OSBPL10: variants seen among roughly 807,000 people sequenced by gnomAD.
OSBPL10 encodes oxysterol-binding protein-related protein 10.
Under a neutral mutation model 81.7 loss-of-function variants are expected in OSBPL10, and 49 were observed. The ratio of observed to expected loss-of-function variants is 0.60; its 90% CI spans 0.48 to 0.76. OSBPL10 has a LOEUF of 0.76. Among genes scored for constraint, OSBPL10 ranks in the 30% least tolerant of loss-of-function variants. The probability of loss-of-function intolerance (pLI) is 0.00; values close to 1 mark genes in which losing one functional copy is unlikely to be tolerated. For synonymous variants in OSBPL10, 419 were observed against 383.6 expected (o/e 1.09, Z -1.08); for missense variants, 923 against 987.8 (o/e 0.93, Z 0.88).
At chr3:31,914,263 T>G (rs1167958000) in intron 1 of OSBPL10, among the ~76,000 whole-genome samples, 1 of 152,184 alleles carries the variant, frequency 6.6e-6, no homozygotes, top group Non-Finnish European at 1.5e-5. Flanking sequence ...AGATCAGTTA[T>G]CTCCCTAGAA....
At chr3:31,875,607 A>C (rs1701450925) in intron 3 of OSBPL10, among the ~76,000 whole-genome samples, 1 of 151,570 alleles carries the variant, frequency 6.6e-6, no homozygotes, top group Non-Finnish European at 1.5e-5. Flanking sequence ...TTGTATTTGG[A>C]GGCAGAACAG....
At chr3:31,968,000 A>T (rs1020893854) in intron 1 of OSBPL10, among the ~76,000 whole-genome samples, 2 of 152,226 alleles carry the variant, frequency 1.3e-5, no homozygotes, top group Non-Finnish European at 2.9e-5. Flanking sequence ...TTAATCTTTC[A>T]ATATAATTTC....
chr3:31,747,283 A>C (rs1575518131), intron 5 of OSBPL10, among the ~76,000 whole-genome samples: 1 of 151,660 alleles, frequency 6.6e-6, no homozygotes, highest in Non-Finnish European at 1.5e-5. Flanking sequence ...GTGCCACTGC[A>C]CTCCAGCCTG....
intron 3 of OSBPL10, among the ~76,000 whole-genome samples, chr3:31,843,411 A>C (rs756857243): frequency 3.3e-5 from 5 of 152,106 alleles, no homozygotes; most frequent in Non-Finnish European, 7.4e-5. Context: ...GCACAAAAGC[A>C]CACCTCCTGG....
intron 6 of OSBPL10, among the ~76,000 whole-genome samples, chr3:31,720,929 T>C (rs1171664631): frequency 2.0e-5 from 3 of 147,412 alleles, no homozygotes; most frequent in Non-Finnish European, 4.5e-5. Flanking sequence ...CAAGTCCTGA[T>C]ATGTTAGGTT....
At chr3:32,054,082 C>T (rs1699689013) in intron 1 of OSBPL10, among the ~76,000 whole-genome samples, 1 of 152,108 alleles carries the variant, frequency 6.6e-6, no homozygotes, top group African/African-American at 2.4e-5. Context: ...CTAAATCTTC[C>T]CTCTATCAAT....
chr3:31,997,773 T>TTTTTG (rs1159866042), intron 2 of OSBPL10, among the ~76,000 whole-genome samples: 7 of 151,818 alleles, frequency 4.6e-5, no homozygotes, highest in Admixed American at 6.6e-5. Flanking sequence ...AGCCTCAGTG[T>TTTTTG]TTTTGTTTTG....
At chr3:31,771,058 A>G (rs936769991) in intron 4 of OSBPL10, among the ~76,000 whole-genome samples, 4 of 152,176 alleles carry the variant, frequency 2.6e-5, no homozygotes, top group African/African-American at 7.2e-5. Flanking sequence ...TTCTCATCAC[A>G]TAGGCTTATC....
intron 7 of OSBPL10, among the ~76,000 whole-genome samples, chr3:31,689,101 T>C (rs1700874760): frequency 6.6e-6 from 1 of 152,032 alleles, no homozygotes; most frequent in South Asian, 2.1e-4. Context: ...TTGTTTAGTC[T>C]GGCTCTTAAC....
chr3:31,758,179 T>C (rs1277865682), intron 4 of OSBPL10, among the ~76,000 whole-genome samples: 3 of 152,216 alleles, frequency 2.0e-5, no homozygotes, highest in East Asian at 1.9e-4. Flanking sequence ...GCCTGAAGCC[T>C]GTCACCTCTT....
At chr3:32,052,855 G>A (rs537241075) in intron 1 of OSBPL10, among the ~76,000 whole-genome samples, 6 of 152,218 alleles carry the variant, frequency 3.9e-5, no homozygotes, top group South Asian at 2.1e-4. Context: ...TAAAGCATGC[G>A]GGGCTTAAAA....
At chr3:31,800,733 C>T (rs1699357596) in intron 4 of OSBPL10, among the ~76,000 whole-genome samples, 1 of 152,180 alleles carries the variant, frequency 6.6e-6, no homozygotes, top group Non-Finnish European at 1.5e-5. Flanking sequence ...GCTATAAAAA[C>T]TTATGGTACA....
At chr3:31,830,623 T>G (rs1390297527) in intron 3 of OSBPL10, among the ~76,000 whole-genome samples, 1 of 152,204 alleles carries the variant, frequency 6.6e-6, no homozygotes, top group African/African-American at 2.4e-5. Flanking sequence ...AAACTCAGCA[T>G]GGTGTTCTCT....
intron 1 of OSBPL10, among the ~76,000 whole-genome samples, chr3:31,972,644 C>CA (rs543071736): frequency 9.7e-4 from 148 of 152,098 alleles, no homozygotes; most frequent in African/African-American, 3.3e-3. Flanking sequence ...CACCACTTTC[C>CA]AAAAAACGTC....
intron 3 of OSBPL10, among the ~76,000 whole-genome samples, chr3:31,872,622 CTTTT>C (rs71097452): frequency 7.8e-6 from 1 of 127,864 alleles, no homozygotes; most frequent in African/African-American, 3.0e-5. Flanking sequence ...AATTCAAAAG[CTTTT>C]TTTTTTTTTT....
intron 3 of OSBPL10, among the ~76,000 whole-genome samples, chr3:31,840,891 CTTGTTG>C (rs201810752): frequency 9.9e-5 from 15 of 152,060 alleles, no homozygotes; most frequent in Admixed American, 5.2e-4. Flanking sequence ...AGTTAGGCTT[CTTGTTG>C]TTGTTGTTGT....
At chr3:31,844,686 T>A (rs1047327077) in intron 3 of OSBPL10, among the ~76,000 whole-genome samples, 6 of 152,182 alleles carry the variant, frequency 3.9e-5, no homozygotes, top group Admixed American at 3.9e-4. Flanking sequence ...GGGTTTTATT[T>A]TGTGGTAGCA....
chr3:31,807,351 C>T (rs1010384627), intron 4 of OSBPL10, among the ~76,000 whole-genome samples: 2 of 148,672 alleles, frequency 1.3e-5, no homozygotes, highest in African/African-American at 2.5e-5. Context: ...CCAGCCTGGG[C>T]GACAGAGCAA....
At chr3:31,663,249 G>T (rs1700109418) in intron 11 of OSBPL10, 1 of 984,096 alleles carries the variant, frequency 1.0e-6, no homozygotes, top group Non-Finnish European at 1.2e-6. Flanking sequence ...ATGCAAATAT[G>T]AGATTTCTCA....
Sources: allele counts gnomAD v4.1 joint callset (sites outside exome capture counted in the v4.1 genomes callset), GRCh38; gene constraint gnomAD v4.1.1; transcripts MANE v1.5; gene names NCBI Gene and HGNC (gene_info 2026-07-23, HGNC 2026-07-21).